MYO9A: variants seen among roughly 807,000 people sequenced by gnomAD.
MYO9A encodes unconventional myosin-IXa.
A neutral mutation model predicts 293.3 loss-of-function variants in MYO9A; 103 were observed. The observed-to-expected ratio is 0.35, with a 90% confidence interval of 0.30 to 0.41. The LOEUF (loss-of-function observed/expected upper bound fraction) is 0.41, where lower values mean the gene tolerates loss of function less well. Among genes scored for constraint, MYO9A ranks in the 10% least tolerant of loss-of-function variants. The probability of loss-of-function intolerance (pLI) is 1.00; values close to 1 mark genes in which losing one functional copy is unlikely to be tolerated. For missense variants in MYO9A, 2,685 were observed against 3,033.0 expected (o/e 0.89, Z 2.69); for synonymous variants, 1,001 against 1,035.7 (o/e 0.97, Z 0.64).
intron 12 of MYO9A, among the ~76,000 whole-genome samples, chr15:71,969,851 T>C (rs1430487490): frequency 6.6e-6 from 1 of 152,210 alleles, no homozygotes; most frequent in East Asian, 1.9e-4. Flanking sequence ...CATTCATTAT[T>C]GCTCATATCA....
Position 72,007,265 on chromosome 15 carries a change from G to A in MYO9A, c.1380+561C>T, listed in dbSNP as rs558915484. Among the ~76,000 whole-genome samples the A allele has an allele frequency of 4.6e-5, 7 of 152,116 alleles. No homozygotes were observed. In the South Asian group the frequency reaches 1.2e-3, roughly 27 times the overall value. On this transcript the variant is annotated intron_variant, in intron 8 of 41. Transcript: ENST00000356056. ...GCAAGATGAGAAGGGGTAGGCAAGA[G>A]AGAAATTAGCTAAGAAAACATGATA...
intron 15 of MYO9A, 90 bp downstream of exon 15, chr15:71,951,687 C>T (rs1369867560): frequency 6.6e-7 from 1 of 1,512,256 alleles, no homozygotes; most frequent in Non-Finnish European, 9.1e-7. Context: ...GTTGCCCATA[C>T]AATCTATATC....
chr15:72,071,345 A>G (rs2150173531), intron 1 of MYO9A, among the ~76,000 whole-genome samples: 1 of 152,346 alleles, frequency 6.6e-6, no homozygotes, highest in South Asian at 2.1e-4. Flanking sequence ...CCACAGAGAT[A>G]TCATCTCACA....
chr15:72,067,834 C>T (rs1200378350), intron 1 of MYO9A, among the ~76,000 whole-genome samples: 1 of 151,876 alleles, frequency 6.6e-6, no homozygotes, highest in Admixed American at 6.6e-5. Flanking sequence ...AATACAATTC[C>T]AGAAGCTTCA....
intron 18 of MYO9A, among the ~76,000 whole-genome samples, chr15:71,919,370 G>A (rs1333945157): frequency 6.6e-6 from 1 of 152,010 alleles, no homozygotes. Context: ...TTGAGCTCAG[G>A]GGGCAGAGGC....
intron 6 of MYO9A, among the ~76,000 whole-genome samples, chr15:72,014,095 C>T (rs1257989795): frequency 6.6e-6 from 1 of 152,220 alleles, no homozygotes; most frequent in Admixed American, 6.5e-5. Context: ...GCATGAGACA[C>T]TGTCCAGTTC....
Position 71,978,239 on chromosome 15 carries a change from A to G in MYO9A, c.1776T>C (p.Asn592=). The G allele has an allele frequency of 6.2e-7, 1 of 1,612,848 alleles. No homozygotes were observed. The highest frequency in any genetic ancestry group is 1.3e-5 in the African/African-American group (1 of 75,020). ...ISWHNIDYID[N]TCCINLISKK... ...TGCTAATAAGATTTATGCAGCAGGT[A>G]TTATCAATGTAATCTATGTTGTGCC... The change falls in exon 12 of 42, where the codon AAT becomes AAC. Residue 592 remains asparagine, a synonymous_variant. Coordinates refer to ENST00000356056, the MANE Select transcript of MYO9A (RefSeq NM_006901.4).
chr15:71,897,462 G>A lies in MYO9A; in HGVS notation c.5041C>T (p.Leu1681Phe), dbSNP rs775960210. 4 of 1,598,700 alleles carry A rather than the reference G, an allele frequency of 2.5e-6. No homozygotes were observed. The highest frequency in any genetic ancestry group is 1.1e-5 in the South Asian group (1 of 89,606). Residue 1681 changes from leucine to phenylalanine, a missense_variant and splice_region_variant, in exon 25 of 42, where the codon CTT becomes TTT. This residue lies in a region of MYO9A where 1,434 missense variants were observed against 1,497.7 expected (regional missense o/e 0.96). Coordinates refer to ENST00000356056, the MANE Select transcript of MYO9A (RefSeq NM_006901.4). Reference sequence around the variant, plus strand: ...TACATAAATAAACATTTCACTTACAGGGGAATACTCATATTGTCCTTTGGA... The same window carrying A: ...TACATAAATAAACATTTCACTTACAAGGGAATACTCATATTGTCCTTTGGA... ...FTPKDNMSIPLVSKEALNSKN... is the reference protein window; with the variant it reads ...FTPKDNMSIPFVSKEALNSKN...
chr15:72,023,186 T>C (rs890757103), intron 4 of MYO9A, among the ~76,000 whole-genome samples: 1 of 151,960 alleles, frequency 6.6e-6, no homozygotes, highest in African/African-American at 2.4e-5. Flanking sequence ...ACAGCAAATA[T>C]GAGTAGGCAG....
intron 1 of MYO9A, among the ~76,000 whole-genome samples, chr15:72,054,980 G>A (rs908116027): frequency 4.6e-5 from 7 of 151,332 alleles, no homozygotes; most frequent in Non-Finnish European, 4.4e-5. Flanking sequence ...AAGATGTGAC[G>A]AGACTGTATA....
intron 1 of MYO9A, among the ~76,000 whole-genome samples, chr15:72,103,367 CAGCAGA>C (rs1250699616): frequency 6.9e-5 from 10 of 144,438 alleles, no homozygotes; most frequent in Admixed American, 2.1e-4. Flanking sequence ...ACAGAAGCAG[CAGCAGA>C]AGCAGAAGCA....
chr15:71,917,789 A>G (rs2058051079), intron 18 of MYO9A, among the ~76,000 whole-genome samples: 1 of 152,194 alleles, frequency 6.6e-6, no homozygotes, highest in Admixed American at 6.5e-5. Context: ...GTAATCAAAA[A>G]TCTTAATGTA....
chr15:71,933,718 A>G lies in MYO9A; in HGVS notation c.2523-9T>C. On this transcript the variant is annotated splice_polypyrimidine_tract_variant and intron_variant, in intron 17 of 41. Coordinates refer to ENST00000356056, the MANE Select transcript of MYO9A (RefSeq NM_006901.4). ...TGAAATTTTTGTTTCTCCTATAGAG[A>G]TAAATCATTCATTAAAAAAAGCTAC... 6.3e-7 allele frequency: 1 copy of G among 1,596,824 alleles called. No individual in the cohort carries two copies. The highest frequency in any genetic ancestry group is 1.2e-5 in the South Asian group (1 of 86,852).
intron 34 of MYO9A, among the ~76,000 whole-genome samples, chr15:71,859,061 T>G (rs1170323241): frequency 1.3e-5 from 2 of 152,228 alleles, no homozygotes; most frequent in Non-Finnish European, 2.9e-5. Context: ...TCACTCATAT[T>G]CTTTGCATTT....
At chr15:72,048,652 C>G (rs543149023) in intron 1 of MYO9A, among the ~76,000 whole-genome samples, 1 of 152,194 alleles carries the variant, frequency 6.6e-6, no homozygotes, top group African/African-American at 2.4e-5. Context: ...ATTTTGGTAT[C>G]TGAAGGGCAC....
intron 18 of MYO9A, among the ~76,000 whole-genome samples, chr15:71,930,893 C>G (rs1268298647): frequency 6.6e-6 from 1 of 152,154 alleles, no homozygotes; most frequent in African/African-American, 2.4e-5. Context: ...AAAAGCCAGT[C>G]ATATACTTAC....
At chr15:72,018,419 G>A (rs148780599) in intron 6 of MYO9A, among the ~76,000 whole-genome samples, 1,940 of 152,200 alleles carry the variant, frequency 0.013, 27 homozygotes, top group African/African-American at 0.02. Flanking sequence ...AGGGAGCCAA[G>A]ATCATGTCAC....
intron 39 of MYO9A, among the ~76,000 whole-genome samples, chr15:71,834,506 G>A (rs1171012474): frequency 6.6e-6 from 1 of 152,078 alleles, no homozygotes; most frequent in East Asian, 1.9e-4. Context: ...GTGCAGTAGT[G>A]CATGCCCACA....
At chr15:71,959,759 TG>T in intron 14 of MYO9A, 141 bp downstream of exon 14, 1 of 682,784 alleles carries the variant, frequency 1.5e-6, no homozygotes, top group Non-Finnish European at 2.4e-6. Context: ...AGTTAAGAGA[TG>T]ACACTAGATT....
Sources: gnomAD v4.1 joint callset for allele counts (sites outside exome capture counted in the v4.1 genomes callset) on GRCh38, gnomAD v4.1.1 for gene constraint, gnomAD v4.1.1 regional missense constraint, MANE v1.5 for transcripts, NCBI Gene and HGNC (gene_info 2026-07-23, HGNC 2026-07-21) for gene names.